SLC4A10: variants seen among roughly 807,000 people sequenced by gnomAD.
SLC4A10 encodes sodium-driven chloride bicarbonate exchanger.
A neutral mutation model predicts 137.7 loss-of-function variants in SLC4A10; 42 were observed. The observed-to-expected ratio is 0.30, with a 90% CI of 0.24 to 0.39. The LOEUF (loss-of-function observed/expected upper bound fraction) is 0.39. SLC4A10 is among the 10% of genes least tolerant of loss of function. The pLI, the probability that SLC4A10 is intolerant of heterozygous loss-of-function variation, is 1.00. For synonymous variants in SLC4A10, 474 were observed against 464.1 expected (o/e 1.02, Z -0.27); for missense variants, 925 against 1,355.0 (o/e 0.68, Z 4.98).
chr2:161,949,011 T>C (rs1005731640), intron 17 of SLC4A10, 137 bp from the exon 18 acceptor site: 4 of 547,354 alleles, frequency 7.3e-6, no homozygotes, highest in African/African-American at 5.9e-5. Context: ...CTAATGGTAA[T>C]CTTATAGTAT....
chr2:161,807,470 A>G (rs2056113163), intron 3 of SLC4A10, among the ~76,000 whole-genome samples: 1 of 151,988 alleles, frequency 6.6e-6, no homozygotes, highest in African/African-American at 2.4e-5. Context: ...TATTCACTCC[A>G]TCCCTGAAGT....
intron 1 of SLC4A10, among the ~76,000 whole-genome samples, chr2:161,705,670 A>G (rs2043582143): frequency 6.6e-6 from 1 of 151,614 alleles, no homozygotes; most frequent in African/African-American, 2.4e-5. Flanking sequence ...TGCCCTTATA[A>G]AAGAGGCCCC....
At chr2:161,852,744 AGGCTCTG>A (rs2059901462) in intron 4 of SLC4A10, among the ~76,000 whole-genome samples, 1 of 152,176 alleles carries the variant, frequency 6.6e-6, no homozygotes, top group African/African-American at 2.4e-5. Context: ...AAATGGGCAC[AGGCTCTG>A]GAGAAAAACA....
chr2:161,843,046 A>G (rs2059280768), intron 4 of SLC4A10, among the ~76,000 whole-genome samples: 1 of 152,190 alleles, frequency 6.6e-6, no homozygotes, highest in African/African-American at 2.4e-5. Context: ...CATTTATTTT[A>G]GAGTTCCTTC....
At chr2:161,770,608 T>C (rs2051469244) in intron 1 of SLC4A10, among the ~76,000 whole-genome samples, 1 of 151,948 alleles carries the variant, frequency 6.6e-6, no homozygotes, top group African/African-American at 2.4e-5. Flanking sequence ...CATATTTTCC[T>C]TGCATAGTTC....
intron 1 of SLC4A10, among the ~76,000 whole-genome samples, chr2:161,701,612 T>A (rs2043124846): frequency 6.6e-6 from 1 of 151,986 alleles, no homozygotes; most frequent in South Asian, 2.1e-4. Context: ...TATGTTGAAA[T>A]ATGCAGTAAG....
At chr2:161,689,713 C>A (rs960437341) in intron 1 of SLC4A10, among the ~76,000 whole-genome samples, 10 of 152,242 alleles carry the variant, frequency 6.6e-5, no homozygotes, top group African/African-American at 2.2e-4. Flanking sequence ...GTTATATTTT[C>A]TATTAATGCT....
intron 16 of SLC4A10, among the ~76,000 whole-genome samples, chr2:161,946,386 A>C (rs920688422): frequency 2.0e-5 from 3 of 152,078 alleles, no homozygotes; most frequent in Non-Finnish European, 4.4e-5. Flanking sequence ...AATTTATTCT[A>C]CAATCTTTGG....
intron 2 of SLC4A10, among the ~76,000 whole-genome samples, chr2:161,801,612 T>C (rs548250122): frequency 6.6e-6 from 1 of 152,164 alleles, no homozygotes; most frequent in African/African-American, 2.4e-5. Flanking sequence ...ACCTACACTT[T>C]TGACGCTTTC....
chr2:161,731,862 T>A (rs1286559361), intron 1 of SLC4A10, among the ~76,000 whole-genome samples: 1 of 152,204 alleles, frequency 6.6e-6, no homozygotes, highest in Non-Finnish European at 1.5e-5. Context: ...AAATCAGAAT[T>A]AGACACATAT....
chr2:161,938,497 T>C (rs137854922), intron 15 of SLC4A10, among the ~76,000 whole-genome samples: 1 of 151,234 alleles, frequency 6.6e-6, no homozygotes, highest in East Asian at 1.9e-4. Context: ...ATTATTATTA[T>C]AGATTATATT....
chr2:161,721,463 T>C (rs892446888), intron 1 of SLC4A10, among the ~76,000 whole-genome samples: 1 of 152,226 alleles, frequency 6.6e-6, no homozygotes, highest in Non-Finnish European at 1.5e-5. Context: ...TAGCCAGATA[T>C]GAAATTTTGG....
intron 5 of SLC4A10, among the ~76,000 whole-genome samples, chr2:161,861,624 C>A (rs1187241548): frequency 6.6e-6 from 1 of 152,130 alleles, no homozygotes; most frequent in Non-Finnish European, 1.5e-5. Context: ...CCACAAATTT[C>A]AAACCAGGAA....
At chr2:161,669,637 T>C (rs2039467814) in intron 1 of SLC4A10, among the ~76,000 whole-genome samples, 1 of 152,050 alleles carries the variant, frequency 6.6e-6, no homozygotes, top group Non-Finnish European at 1.5e-5. Context: ...AATAAAATCA[T>C]GTGGTATATA....
At chr2:161,817,674 A>T (rs1381745747) in intron 3 of SLC4A10, among the ~76,000 whole-genome samples, 1 of 152,128 alleles carries the variant, frequency 6.6e-6, no homozygotes, top group Non-Finnish European at 1.5e-5. Flanking sequence ...TAAGGAAGGG[A>T]TCCAGTTTCA....
At chr2:161,734,372 G>A (rs2047113372) in intron 1 of SLC4A10, among the ~76,000 whole-genome samples, 2 of 152,228 alleles carry the variant, frequency 1.3e-5, no homozygotes, top group South Asian at 4.1e-4. Context: ...AGATCTGATG[G>A]TTTTATCAGG....
intron 15 of SLC4A10, among the ~76,000 whole-genome samples, chr2:161,915,161 G>T (rs989947250): frequency 6.6e-6 from 1 of 152,050 alleles, no homozygotes; most frequent in Admixed American, 6.6e-5. Flanking sequence ...CTTCAGAGAT[G>T]GTGGCTGGAC....
At chr2:161,663,221 G>A (rs2038653356) in intron 1 of SLC4A10, among the ~76,000 whole-genome samples, 1 of 152,066 alleles carries the variant, frequency 6.6e-6, no homozygotes, top group Non-Finnish European at 1.5e-5. Flanking sequence ...AACCAAATTA[G>A]AGGAAAACAG....
At chr2:161,929,976 G>T (rs1690019603) in intron 15 of SLC4A10, among the ~76,000 whole-genome samples, 1 of 151,828 alleles carries the variant, frequency 6.6e-6, no homozygotes, top group African/African-American at 2.4e-5. Flanking sequence ...GTATAATTTG[G>T]GACACTATAT....
Sources: gnomAD v4.1 joint callset for allele counts (sites outside exome capture counted in the v4.1 genomes callset) on GRCh38, gnomAD v4.1.1 for gene constraint, MANE v1.5 for transcripts, NCBI Gene and HGNC (gene_info 2026-07-23, HGNC 2026-07-21) for gene names.